PSMG2: variants seen among roughly 807,000 people sequenced by gnomAD.
PSMG2 encodes CD40 ligand-activated specific transcript 3.
A neutral mutation model predicts 31.5 loss-of-function variants in PSMG2; 21 were observed. The observed-to-expected ratio is 0.67, with a 90% CI of 0.47 to 0.96. The LOEUF is 0.96. Among genes scored for constraint, PSMG2 ranks in the 40% least tolerant of loss-of-function variants. The pLI is 0.00. For synonymous variants in PSMG2, 120 were observed against 110.4 expected (o/e 1.09, Z -0.54); for missense variants, 318 against 321.2 (o/e 0.99, Z 0.08).
At chr18:12,723,878 G>C (rs984278491) in intron 5 of PSMG2, among the ~76,000 whole-genome samples, 6 of 152,124 alleles carry the variant, frequency 3.9e-5, no homozygotes, top group African/African-American at 1.4e-4. Flanking sequence ...TAAGTAACTT[G>C]CCCAACATAT....
At chr18:12,702,221 C>T (rs991209546), upstream of PSMG2, among the ~76,000 whole-genome samples, 8 of 152,238 alleles carry the variant, frequency 5.3e-5, no homozygotes, top group Non-Finnish European at 8.8e-5. Flanking sequence ...CTAAGCGCTT[C>T]ATTCTCACGG....
chr18:12,666,933 T>C (rs1549011), intron 1 of PSMG2, among the ~76,000 whole-genome samples: 59,508 of 151,842 alleles, frequency 0.39, 12,062 homozygotes, highest in Non-Finnish European at 0.45. Flanking sequence ...TTATTCATAA[T>C]GAGTTTAAAA....
At chr18:12,707,391 G>A (rs1198481374) in intron 2 of PSMG2, among the ~76,000 whole-genome samples, 1 of 152,106 alleles carries the variant, frequency 6.6e-6, no homozygotes, top group Non-Finnish European at 1.5e-5. Context: ...AAGGCGAAAA[G>A]TAGATTGCGC....
chr18:12,722,936 C>A (rs577585451), intron 5 of PSMG2, among the ~76,000 whole-genome samples: 1 of 152,336 alleles, frequency 6.6e-6, no homozygotes, highest in African/African-American at 2.4e-5. Flanking sequence ...GCCATCACAG[C>A]AGACGCATTT....
chr18:12,689,095 C>T (rs1339469743), intron 1 of PSMG2, among the ~76,000 whole-genome samples: 4 of 152,172 alleles, frequency 2.6e-5, no homozygotes, highest in Non-Finnish European at 5.9e-5. Flanking sequence ...CCCTGGGTGA[C>T]TGAGACTCTG....
At chr18:12,686,331 G>T (rs1394959560) in intron 1 of PSMG2, 1 of 1,613,904 alleles carries the variant, frequency 6.2e-7, no homozygotes, top group African/African-American at 1.3e-5. Flanking sequence ...CAATAACAGG[G>T]GCTCGTTCAT....
chr18:12,665,070 G>A (rs75854378), intron 1 of PSMG2: 2 of 152,134 alleles, frequency 1.3e-5, no homozygotes, highest in East Asian at 3.9e-4. Flanking sequence ...TACAGGTAGA[G>A]GTCTAGAGCT....
At chr18:12,702,855 C>G, upstream of PSMG2, 1 of 572,610 alleles carries the variant, frequency 1.7e-6, no homozygotes, top group Non-Finnish European at 3.0e-6. Context: ...ACCCCGAGAC[C>G]TCAGCGCACC....
intron 1 of PSMG2, among the ~76,000 whole-genome samples, chr18:12,696,154 A>T (rs1364297134): frequency 6.6e-6 from 1 of 152,184 alleles, no homozygotes; most frequent in African/African-American, 2.4e-5. Context: ...TACATAAAGG[A>T]CACTTTTTCT....
upstream of PSMG2, among the ~76,000 whole-genome samples, chr18:12,701,409 A>T (rs2040145515): frequency 6.6e-6 from 1 of 152,196 alleles, no homozygotes; most frequent in African/African-American, 2.4e-5. Flanking sequence ...GGCAGATCAA[A>T]GTATGATCTT....
chr18:12,683,186 C>CAAAGAAAAAAAAA (rs2039410734), intron 1 of PSMG2, among the ~76,000 whole-genome samples: 1 of 63,662 alleles, frequency 1.6e-5, no homozygotes, highest in Non-Finnish European at 3.1e-5. Flanking sequence ...CTAAAAATAC[C>CAAAGAAAAAAAAA]AAAAAAAAAA....
chr18:12,688,054 T>C (rs2039606500), intron 1 of PSMG2, among the ~76,000 whole-genome samples: 1 of 151,642 alleles, frequency 6.6e-6, no homozygotes. Context: ...CCATCCTGGC[T>C]AACATGGTGA....
intron 1 of PSMG2, among the ~76,000 whole-genome samples, chr18:12,681,425 T>C (rs2039346512): frequency 6.6e-6 from 1 of 151,734 alleles, no homozygotes; most frequent in South Asian, 2.1e-4. Flanking sequence ...TTTAAAATTT[T>C]TTTTGTATAA....
chr18:12,683,186 C>CAAAAAAACAAAAAAAAAAAAA (rs2039410827), intron 1 of PSMG2, among the ~76,000 whole-genome samples: 1 of 63,662 alleles, frequency 1.6e-5, no homozygotes, highest in Non-Finnish European at 3.1e-5. Context: ...CTAAAAATAC[C>CAAAAAAACAAAAAAAAAAAAA]AAAAAAAAAA....
At chr18:12,707,655 G>A (rs748963490) in intron 2 of PSMG2, among the ~76,000 whole-genome samples, 9 of 152,288 alleles carry the variant, frequency 5.9e-5, no homozygotes, top group Non-Finnish European at 1.3e-4. Context: ...TAAGAGAAGA[G>A]CTCCTGTTGA....
chr18:12,718,012 CTTTTTTTT>C lies in PSMG2; in HGVS notation c.289-496_289-489del, dbSNP rs71174131. Among the ~76,000 whole-genome samples the C allele has an allele frequency of 1.1e-3, 146 of 136,470 alleles. 1 individual carries two copies. Among genetic ancestry groups the C allele is most frequent in the African/African-American group, 3.7e-3 (140 of 37,392 alleles). The allele number at this position is 136,470 out of a possible 152,430, so 89.5% of individuals were successfully genotyped here. A position where few individuals can be genotyped will look rare whatever the true frequency, so the allele number is the denominator to read the frequency against. On this transcript the variant is annotated intron_variant, in intron 3 of 6. Coordinates refer to ENST00000317615, the MANE Select transcript of PSMG2 (RefSeq NM_020232.5). ...TTGATTTCTTTTCTTTTTCTTTTTTCTTTTTTTTTTTTTTTTGAGAAAGTTTCACTCGG... is the reference window on the plus strand; with the variant it reads ...TTGATTTCTTTTCTTTTTCTTTTTTCTTTTTTTTGAGAAAGTTTCACTCGG...
intron 1 of PSMG2, among the ~76,000 whole-genome samples, chr18:12,682,046 GA>G (rs1351249855): frequency 1.3e-5 from 2 of 151,946 alleles, no homozygotes; most frequent in African/African-American, 2.4e-5. Flanking sequence ...TGTGTTCTGT[GA>G]AAAAAATTAC....
intron 2 of PSMG2, among the ~76,000 whole-genome samples, chr18:12,710,870 C>T (rs1233614154): frequency 9.9e-5 from 15 of 152,084 alleles, no homozygotes; most frequent in African/African-American, 3.4e-4. Context: ...GAGGCCAAGA[C>T]GGGTGGATTG....
At position 12,682,489 on chromosome 18, in the gene PSMG2, A is replaced by C. The variant is rs1470447109; in HGVS notation, c.-37+23716A>C. 4.0e-5 allele frequency among the ~76,000 whole-genome samples: 6 copies of C among 151,630 alleles called. No individual in the cohort carries two copies. In the East Asian group the frequency reaches 1.2e-3, roughly 30 times the overall value. On this transcript the variant is annotated intron_variant, in intron 1 of 6. Coordinates refer to the PSMG2 transcript ENST00000585331. ...CAGGCATGAGCCACCTTACCTGGCC[A>C]AGAAATTTCTTTCTCCAAAAAATTG...
Sources: gnomAD v4.1 joint callset for allele counts (sites outside exome capture counted in the v4.1 genomes callset) on GRCh38, gnomAD v4.1.1 for gene constraint, MANE v1.5 for transcripts, NCBI Gene and HGNC (gene_info 2026-07-23, HGNC 2026-07-21) for gene names.